The following CUL1 variants were observed in gnomAD, a reference collection of about 807,000 sequenced individuals.
CUL1 encodes cullin 1, also known as cullin-1.
A neutral mutation model predicts 118.0 loss-of-function variants in CUL1; 24 were observed. The ratio of observed to expected loss-of-function variants is 0.20; its 90% CI spans 0.15 to 0.29. The LOEUF is 0.29. Among genes scored for constraint, CUL1 ranks in the 10% least tolerant of loss-of-function variants. The probability of loss-of-function intolerance (pLI) is 1.00; values close to 1 mark genes in which losing one functional copy is unlikely to be tolerated. For synonymous variants in CUL1, 332 were observed against 340.4 expected (o/e 0.98, Z 0.27); for missense variants, 361 against 933.8 (o/e 0.39, Z 7.99).
intron 16 of CUL1, among the ~76,000 whole-genome samples, chr7:148,791,877 C>T (rs190297478): frequency 3.3e-5 from 5 of 152,358 alleles, no homozygotes; most frequent in Admixed American, 1.3e-4. Flanking sequence ...GGAACCAACA[C>T]GTGCTACCTG....
intron 9 of CUL1, among the ~76,000 whole-genome samples, chr7:148,773,062 C>T (rs1800269268): frequency 6.6e-6 from 1 of 152,134 alleles, no homozygotes; most frequent in African/African-American, 2.4e-5. Context: ...CTCTCCCATT[C>T]CCATTCATCC....
chr7:148,736,051 G>C (rs1285697255), intron 2 of CUL1, among the ~76,000 whole-genome samples: 1 of 150,648 alleles, frequency 6.6e-6, no homozygotes, highest in Non-Finnish European at 1.5e-5. Flanking sequence ...GTGCATGCCT[G>C]TAGTCCCAAC....
chr7:148,698,758 G>A (rs902825446), upstream of CUL1: 1 of 152,950 alleles, frequency 6.5e-6, no homozygotes, highest in African/African-American at 2.4e-5. Flanking sequence ...GCGGTCGCCG[G>A]AGCCGGTGAG....
chr7:148,746,263 A>G (rs1267312704), intron 2 of CUL1, among the ~76,000 whole-genome samples: 1 of 152,220 alleles, frequency 6.6e-6, no homozygotes, highest in Non-Finnish European at 1.5e-5. Flanking sequence ...CAACTGCTAC[A>G]TTGATTCATT....
Position 148,781,047 on chromosome 7 carries a change from C to G in CUL1, c.1084-2736C>G, listed in dbSNP as rs1208975914. On this transcript the variant is annotated intron_variant, in intron 9 of 21. Transcript: ENST00000325222. ...GTTCCTAAATGGCTTTTCTCTGAAC[C>G]TCAAATGCTAAATTCACATTTTCAA... 3.4e-5 allele frequency among the ~76,000 whole-genome samples: 5 copies of G among 148,794 alleles called. No individual in the cohort carries two copies. In the Admixed American group the frequency reaches 3.4e-4, roughly 10 times the overall value.
chr7:148,775,978 C>G (rs892729718), intron 9 of CUL1, among the ~76,000 whole-genome samples: 5 of 151,974 alleles, frequency 3.3e-5, no homozygotes, highest in Non-Finnish European at 7.4e-5. Context: ...GAACTTTTTA[C>G]CTAATTAAAA....
intron 1 of CUL1, among the ~76,000 whole-genome samples, chr7:148,727,462 A>C (rs1798623774): frequency 6.6e-6 from 1 of 152,168 alleles, no homozygotes; most frequent in Admixed American, 6.5e-5. Context: ...ATTTATGTAA[A>C]ATATGTATTG....
At chr7:148,698,866 A>G (rs1193902421), upstream of CUL1, 2 of 150,216 alleles carry the variant, frequency 1.3e-5, no homozygotes, top group South Asian at 1.8e-4. Flanking sequence ...CGGGCAGGGG[A>G]GGAGGAGGAG....
At chr7:148,767,779 G>A (rs1379264297) in intron 9 of CUL1, 30 bp downstream of exon 9, 2 of 1,607,736 alleles carry the variant, frequency 1.2e-6, no homozygotes, top group South Asian at 2.2e-5. Flanking sequence ...AAATCAGTCA[G>A]GCTGATTATT....
chr7:148,790,210 A>T, intron 15 of CUL1, 100 bp from the exon 16 acceptor site: 3 of 1,297,514 alleles, frequency 2.3e-6, no homozygotes, highest in Non-Finnish European at 3.3e-6. Context: ...GTAAGCACTG[A>T]CTTTGTACTG....
intron 15 of CUL1, 120 bp downstream of exon 15, chr7:148,789,946 T>G (rs1490593044): frequency 4.9e-5 from 45 of 922,040 alleles, no homozygotes; most frequent in Non-Finnish European, 2.1e-5. Flanking sequence ...TGCATCACGG[T>G]GAACCATGGG....
At chr7:148,753,651 T>C (rs1265623611) in intron 2 of CUL1, among the ~76,000 whole-genome samples, 1 of 152,234 alleles carries the variant, frequency 6.6e-6, no homozygotes, top group African/African-American at 2.4e-5. Context: ...ATTGCATTTT[T>C]CTTTTGGGAC....
chr7:148,719,144 T>A (rs1454826811), intron 1 of CUL1, among the ~76,000 whole-genome samples: 4 of 152,084 alleles, frequency 2.6e-5, no homozygotes, highest in Non-Finnish European at 5.9e-5. Context: ...ACCCCGTCTC[T>A]ACTAAAAATA....
intron 16 of CUL1, among the ~76,000 whole-genome samples, chr7:148,791,420 T>A (rs1278684182): frequency 6.6e-6 from 1 of 152,242 alleles, no homozygotes; most frequent in Non-Finnish European, 1.5e-5. Context: ...TTATGCTGGC[T>A]CCAGAGGTCT....
intron 1 of CUL1, among the ~76,000 whole-genome samples, chr7:148,700,875 T>G (rs1043860430): frequency 3.3e-5 from 5 of 152,198 alleles, no homozygotes; most frequent in African/African-American, 1.2e-4. Context: ...CAGGTCCTTA[T>G]AGCCAGCCCC....
rs1180016732 is a variant in CUL1, at chr7:148,730,040, A to G, written c.-83A>G. ...CTGCTGTGAATAAATTTGGAATGGT[A>G]CTGTATATTTTCATCTAATGGAGAA... On this transcript the variant is annotated 5_prime_UTR_variant, in exon 2 of 22. Transcript: ENST00000325222. 6.9e-7 allele frequency: 1 copy of G among 1,457,542 alleles called. No individual in the cohort carries two copies. The highest frequency in any genetic ancestry group is 1.4e-5 in the African/African-American group (1 of 71,010). 90.3% of individuals were successfully genotyped at this position (1,457,542 alleles called of 1,614,324 possible).
At chr7:148,710,722 G>A (rs1273550338) in intron 1 of CUL1, among the ~76,000 whole-genome samples, 1 of 151,384 alleles carries the variant, frequency 6.6e-6, no homozygotes, top group Non-Finnish European at 1.5e-5. Context: ...GCAATGGCAC[G>A]ATCTCAGCTC....
At chr7:148,730,726 A>G (rs757007509) in intron 2 of CUL1, among the ~76,000 whole-genome samples, 2 of 152,186 alleles carry the variant, frequency 1.3e-5, no homozygotes, top group African/African-American at 2.4e-5. Context: ...AGCCTAAAAT[A>G]TTTACTACCT....
At chr7:148,756,507 T>C (rs1226170423) in intron 3 of CUL1, among the ~76,000 whole-genome samples, 1 of 152,100 alleles carries the variant, frequency 6.6e-6, no homozygotes, top group Non-Finnish European at 1.5e-5. Context: ...CGGCTAATTT[T>C]TGTATTTTTA....
Sources: allele counts gnomAD v4.1 joint callset (sites outside exome capture counted in the v4.1 genomes callset), GRCh38; gene constraint gnomAD v4.1.1; transcripts MANE v1.5; gene names NCBI Gene and HGNC (gene_info 2026-07-23, HGNC 2026-07-21).